FBXO15: variants seen among roughly 807,000 people sequenced by gnomAD.
FBXO15 encodes F-box protein 15.
Under a neutral mutation model 49.5 loss-of-function variants are expected in FBXO15, and 30 were observed. The observed-to-expected ratio is 0.61, with a 90% CI of 0.45 to 0.82. FBXO15 has a LOEUF of 0.82. Ranked by LOEUF, FBXO15 falls within the 40% of genes least tolerant of loss-of-function variation. FBXO15 has a pLI of 0.00. For synonymous variants in FBXO15, 250 were observed against 232.7 expected, an observed-to-expected ratio of 1.07 and a Z score of -0.68; for missense variants, 591 against 631.5, an observed-to-expected ratio of 0.94 and a Z score of 0.69.
intron 8 of FBXO15, among the ~76,000 whole-genome samples, chr18:74,085,121 G>GA (rs371888507): frequency 5.3e-5 from 8 of 151,850 alleles, no homozygotes; most frequent in Admixed American, 3.3e-4. Context: ...AGGTACTTCA[G>GA]AAAATGGTTT....
rs566547138 is a variant in FBXO15 at position 74,126,725 on chromosome 18, C to G, written c.786-624G>C. On this transcript the variant is annotated intron_variant, in intron 5 of 9. Transcript: ENST00000419743. ...CTCATTCAACAGTTGGTGCCCAGCA[C>G]CTCAGGCACAAGCCAGCAGGCAATA... Among the ~76,000 whole-genome samples the G allele has an allele frequency of 1.1e-4, 16 of 152,290 alleles. No homozygotes were observed. The South Asian group carries it at 3.1e-3, about 30-fold the overall frequency.
intron 8 of FBXO15, among the ~76,000 whole-genome samples, chr18:74,085,987 G>A (rs1187801973): frequency 6.6e-6 from 1 of 152,146 alleles, no homozygotes; most frequent in Non-Finnish European, 1.5e-5. Context: ...GTCATCAGAT[G>A]TACAAACCAA....
Position 74,129,624 on chromosome 18 carries a change from GA to G in FBXO15, c.576-11del, listed in dbSNP as rs536223754. ...ACCTAAACCAAATATTCTGGAGAAA[GA>G]AAAAAAAACTAACAATGTTTGCCTC... On this transcript the variant is annotated splice_polypyrimidine_tract_variant and intron_variant, in intron 4 of 9. Transcript: ENST00000419743. The G allele has an allele frequency of 1.3e-5, 18 of 1,393,622 alleles. No individual in the cohort carries two copies. Among genetic ancestry groups the G allele is most frequent in the East Asian group, 7.7e-5 (3 of 39,180 alleles). 86.3% of individuals were successfully genotyped at this position (1,393,622 alleles called of 1,614,324 possible).
At chr18:74,125,947 A>C (rs989961272) in intron 6 of FBXO15, 28 bp downstream of exon 6, 6 of 1,611,900 alleles carry the variant, frequency 3.7e-6, no homozygotes, top group Non-Finnish European at 5.1e-6. Context: ...GGGAAATGAC[A>C]CAGTACATAC....
At chr18:74,117,220 A>G (rs1914269394) in intron 8 of FBXO15, among the ~76,000 whole-genome samples, 1 of 152,190 alleles carries the variant, frequency 6.6e-6, no homozygotes, top group African/African-American at 2.4e-5. Flanking sequence ...AATATATTTG[A>G]GTCCACCTTG....
chr18:74,093,121 G>A (rs900714832), intron 8 of FBXO15, among the ~76,000 whole-genome samples: 1 of 152,188 alleles, frequency 6.6e-6, no homozygotes, highest in Non-Finnish European at 1.5e-5. Flanking sequence ...GTTTGTGCCA[G>A]TAATGCACAT....
rs184503323 is a variant in FBXO15 at position 74,090,229 on chromosome 18, G to A, written c.1139-8178C>T. Among the ~76,000 whole-genome samples the A allele has an allele frequency of 2.0e-4, 30 of 151,936 alleles. No homozygotes were observed. In the East Asian group the frequency reaches 5.2e-3, roughly 26 times the overall value. On this transcript the variant is annotated intron_variant, in intron 8 of 9. Transcript: ENST00000419743. Reference sequence around the variant, plus strand: ...ATAGAGGTGCTCATAATAGTCTCAGGGTTTTTGTATTCCTCTAGGGTCAGT... The same window carrying A: ...ATAGAGGTGCTCATAATAGTCTCAGAGTTTTTGTATTCCTCTAGGGTCAGT...
intron 2 of FBXO15, among the ~76,000 whole-genome samples, chr18:74,138,717 G>A (rs1214668455): frequency 2.0e-5 from 3 of 151,892 alleles, no homozygotes; most frequent in Non-Finnish European, 2.9e-5. Context: ...CATTATCATG[G>A]CCCTCTCTTC....
At chr18:74,100,293 T>G (rs1913456668) in intron 8 of FBXO15, among the ~76,000 whole-genome samples, 1 of 152,068 alleles carries the variant, frequency 6.6e-6, no homozygotes, top group South Asian at 2.1e-4. Context: ...ACATGGAAAT[T>G]AAATAACCTG....
At chr18:74,094,363 C>T (rs1913187619) in intron 8 of FBXO15, among the ~76,000 whole-genome samples, 1 of 152,156 alleles carries the variant, frequency 6.6e-6, no homozygotes, top group Non-Finnish European at 1.5e-5. Flanking sequence ...CTTTCTCTTG[C>T]TCCAGCTTTT....
At chr18:74,144,165 C>T (rs1321519386) in intron 1 of FBXO15, among the ~76,000 whole-genome samples, 1 of 152,146 alleles carries the variant, frequency 6.6e-6, no homozygotes, top group Non-Finnish European at 1.5e-5. Context: ...ACCACAATTA[C>T]TTTTGCACCA....
chr18:74,091,263 ACAT>A (rs1913013497), intron 8 of FBXO15, among the ~76,000 whole-genome samples: 2 of 152,172 alleles, frequency 1.3e-5, no homozygotes, highest in South Asian at 4.2e-4. Flanking sequence ...TTCTCATTCT[ACAT>A]CCCTTGAGTC....
intron 8 of FBXO15, among the ~76,000 whole-genome samples, chr18:74,112,189 T>C (rs1030960333): frequency 2.0e-5 from 3 of 152,228 alleles, no homozygotes; most frequent in Admixed American, 6.5e-5. Context: ...ATTCACTCTA[T>C]GAGGCCAGCT....
At chr18:74,133,747 G>A (rs886244162) in intron 3 of FBXO15, among the ~76,000 whole-genome samples, 6 of 152,198 alleles carry the variant, frequency 3.9e-5, no homozygotes, top group Non-Finnish European at 5.9e-5. Context: ...AAACCAAGGC[G>A]AGCCAACTGT....
At chr18:74,133,339 T>A (rs1978513716) in intron 3 of FBXO15, among the ~76,000 whole-genome samples, 1 of 152,178 alleles carries the variant, frequency 6.6e-6, no homozygotes, top group African/African-American at 2.4e-5. Context: ...ACTAGAGCCA[T>A]GCTCCAAATC....
intron 3 of FBXO15, among the ~76,000 whole-genome samples, chr18:74,132,643 A>G (rs928151971): frequency 1.3e-5 from 2 of 152,206 alleles, no homozygotes; most frequent in Non-Finnish European, 2.9e-5. Context: ...ACAGTCTCCA[A>G]ACACATTTAC....
At chr18:74,077,830 C>T (rs948153079) in intron 9 of FBXO15, among the ~76,000 whole-genome samples, 4 of 152,294 alleles carry the variant, frequency 2.6e-5, no homozygotes, top group Middle Eastern at 3.4e-3. Flanking sequence ...TGAGATAACA[C>T]AGCAGGTGGG....
chr18:74,123,592 T>G, intron 7 of FBXO15, 82 bp from the exon 8 acceptor site: 1 of 1,444,332 alleles, frequency 6.9e-7, no homozygotes, highest in Non-Finnish European at 9.3e-7. Flanking sequence ...TTTTAAAAAA[T>G]TACCATCTGT....
intron 7 of FBXO15, among the ~76,000 whole-genome samples, chr18:74,123,752 C>A (rs75895383): frequency 6.6e-6 from 1 of 152,044 alleles, no homozygotes; most frequent in Non-Finnish European, 1.5e-5. Flanking sequence ...CCGCCCAGCA[C>A]GGGTGCACAT....
Sources: allele counts gnomAD v4.1 joint callset (sites outside exome capture counted in the v4.1 genomes callset), GRCh38; gene constraint gnomAD v4.1.1; transcripts MANE v1.5; gene names NCBI Gene and HGNC (gene_info 2026-07-23, HGNC 2026-07-21).